The following SLCO4C1 variants were observed in gnomAD, a reference collection of about 807,000 sequenced individuals.
SLCO4C1 encodes the protein organic anion transporter M1.
SLCO4C1 carries 58 observed loss-of-function variants against 72.1 expected under a neutral mutation model. The ratio of observed to expected loss-of-function variants is 0.80; its 90% confidence interval spans 0.65 to 1.00. The LOEUF (loss-of-function observed/expected upper bound fraction) is 1.00. SLCO4C1 is among the 50% of genes least tolerant of loss of function. The probability of loss-of-function intolerance (pLI) is 0.00; values close to 1 mark genes in which losing one functional copy is unlikely to be tolerated. For missense variants in SLCO4C1, 898 were observed against 857.9 expected, an observed-to-expected ratio of 1.05 and a Z score of -0.58; for synonymous variants, 297 against 312.5, an observed-to-expected ratio of 0.95 and a Z score of 0.52.
At chr5:102,248,034 A>G (rs1748667303) in intron 9 of SLCO4C1, among the ~76,000 whole-genome samples, 1 of 151,542 alleles carries the variant, frequency 6.6e-6, no homozygotes, top group Non-Finnish European at 1.5e-5. Context: ...ATATTCAGCA[A>G]TCAGATATAT....
intron 8 of SLCO4C1, among the ~76,000 whole-genome samples, chr5:102,256,490 T>C (rs1445443775): frequency 6.6e-6 from 1 of 152,222 alleles, no homozygotes; most frequent in Non-Finnish European, 1.5e-5. Flanking sequence ...AATGCACTGC[T>C]GTGCAACACC....
At chr5:102,242,973 C>A (rs951361279) in intron 10 of SLCO4C1, among the ~76,000 whole-genome samples, 2 of 152,162 alleles carry the variant, frequency 1.3e-5, no homozygotes, top group African/African-American at 4.8e-5. Flanking sequence ...GAGCTCTCTG[C>A]CCTGAAGGGT....
At chr5:102,272,602 G>T (rs934759785) in intron 2 of SLCO4C1, among the ~76,000 whole-genome samples, 9 of 152,072 alleles carry the variant, frequency 5.9e-5, no homozygotes, top group African/African-American at 2.2e-4. Flanking sequence ...CTTAAAAAAG[G>T]AATGGAAACA....
In SLCO4C1 at chr5:102,274,558, C is replaced by A. The variant is rs149679656; in HGVS notation, c.620-3752G>T. 2.0e-5 allele frequency among the ~76,000 whole-genome samples: 3 copies of A among 152,220 alleles called. No homozygotes were observed. The East Asian group carries it at 5.8e-4, about 29-fold the overall frequency. ...CTTTTCCCCTGGGCCTATCCTGCTG[C>A]CAGGGGTAGGGCAGAATGGACTCTG... is the stretch of plus-strand genomic sequence containing the variant. On this transcript the variant is annotated intron_variant, in intron 2 of 12. Transcript: ENST00000310954.
At chr5:102,275,021 T>A (rs1015688893) in intron 2 of SLCO4C1, among the ~76,000 whole-genome samples, 3 of 152,030 alleles carry the variant, frequency 2.0e-5, no homozygotes, top group Non-Finnish European at 2.9e-5. Flanking sequence ...CATAATTTTA[T>A]TAAAATTAAG....
At position 102,236,679 on chromosome 5, in the gene SLCO4C1, A is replaced by G; in HGVS notation, c.*179T>C. The G allele has an allele frequency of 1.7e-6, 1 of 580,480 alleles. No homozygotes were observed. The highest frequency in any genetic ancestry group is 3.5e-5 in the East Asian group (1 of 28,702). 36.0% of individuals were successfully genotyped at this position (580,480 alleles called of 1,614,324 possible). ...GGCTTTACGTGGGCTTTGAAGGCACAGGTCTGTTTCTTGCATAAAACAAAA... is the reference window on the plus strand; with the variant it reads ...GGCTTTACGTGGGCTTTGAAGGCACGGGTCTGTTTCTTGCATAAAACAAAA... On this transcript the variant is annotated 3_prime_UTR_variant, in exon 13 of 13. Transcript: ENST00000310954.
intron 2 of SLCO4C1, among the ~76,000 whole-genome samples, chr5:102,276,945 G>C (rs1749257300): frequency 6.6e-6 from 1 of 152,000 alleles, no homozygotes; most frequent in South Asian, 2.1e-4. Flanking sequence ...AGCTATAGTA[G>C]TGAGAGGCAC....
At chr5:102,285,617 A>G (rs1047579094) in intron 2 of SLCO4C1, among the ~76,000 whole-genome samples, 4 of 152,198 alleles carry the variant, frequency 2.6e-5, no homozygotes, top group Non-Finnish European at 4.4e-5. Flanking sequence ...GAAGTATGAG[A>G]AAGACTGAAA....
At chr5:102,237,556 G>A (rs1748462628) in intron 12 of SLCO4C1, among the ~76,000 whole-genome samples, 1 of 152,078 alleles carries the variant, frequency 6.6e-6, no homozygotes, top group Non-Finnish European at 1.5e-5. Flanking sequence ...AGGTTGCAGT[G>A]AGCTGAGATC....
chr5:102,257,094 A>C, intron 8 of SLCO4C1, 21 bp downstream of exon 8: 1 of 1,466,202 alleles, frequency 6.8e-7, no homozygotes, highest in Non-Finnish European at 9.1e-7. Flanking sequence ...TTAATATCAA[A>C]AAGCACTGAA....
intron 5 of SLCO4C1, among the ~76,000 whole-genome samples, chr5:102,261,313 A>C (rs1435327235): frequency 2.6e-5 from 4 of 151,980 alleles, no homozygotes; most frequent in Non-Finnish European, 4.4e-5. Context: ...TCAGGAGGCT[A>C]AGTCAGGAGA....
At chr5:102,286,187 A>G (rs1442178389) in intron 2 of SLCO4C1, among the ~76,000 whole-genome samples, 2 of 152,166 alleles carry the variant, frequency 1.3e-5, no homozygotes, top group Non-Finnish European at 2.9e-5. Flanking sequence ...GTGAATTTTT[A>G]TCATTTAAGG....
At chr5:102,249,059 T>C (rs1343888914) in intron 9 of SLCO4C1, among the ~76,000 whole-genome samples, 1 of 152,216 alleles carries the variant, frequency 6.6e-6, no homozygotes, top group Admixed American at 6.5e-5. Context: ...TAAGTTTCTA[T>C]TATATAAACT....
At chr5:102,262,983 A>G (rs1335453484) in intron 4 of SLCO4C1, among the ~76,000 whole-genome samples, 1 of 152,148 alleles carries the variant, frequency 6.6e-6, no homozygotes, top group Non-Finnish European at 1.5e-5. Flanking sequence ...GAAAAAAAAT[A>G]TGACCTCAGT....
At chr5:102,250,717 G>A (rs1001918953) in intron 8 of SLCO4C1, among the ~76,000 whole-genome samples, 7 of 152,118 alleles carry the variant, frequency 4.6e-5, no homozygotes, top group Non-Finnish European at 8.8e-5. Context: ...AGGCTGGTGC[G>A]GTGGCTTACA....
chr5:102,239,385 G>A lies in SLCO4C1; in HGVS notation c.1880C>T (p.Thr627Ile). The change falls in exon 12 of 13, where the codon ACA (threonine) becomes ATA (isoleucine). Residue 627 changes from threonine (T) to isoleucine (I), a missense_variant. Coordinates refer to ENST00000310954, the MANE Select transcript of SLCO4C1 (RefSeq NM_180991.5). ...ACCAAATATAATTGGTCCAGGAATT[G>A]TCCCTAAAAGAATTATGGGTGAAAT... is the stretch of plus-strand genomic sequence containing the variant. ...IQFMVLRLLG[T>I]IPGPIIFGFT... 1 of 1,572,500 alleles carries A rather than the reference G, an allele frequency of 6.4e-7. No individual in the cohort carries two copies. Among genetic ancestry groups the A allele is most frequent in the Admixed American group, 1.9e-5 (1 of 53,220 alleles).
At chr5:102,262,172 G>T in intron 4 of SLCO4C1, 139 bp from the exon 5 acceptor site, 1 of 545,270 alleles carries the variant, frequency 1.8e-6, no homozygotes, top group Non-Finnish European at 2.9e-6. Flanking sequence ...TGGTGCCATT[G>T]CAAAGAATCA....
Position 102,260,329 on chromosome 5 carries a change from A to AT in SLCO4C1, c.1022-11_1022-10insA, listed in dbSNP as rs1748914111. On this transcript the variant is annotated splice_polypyrimidine_tract_variant and intron_variant, in intron 5 of 12. Transcript: ENST00000310954. ...TGAATTTCTGCTGTACCTAAAAAAA[A>AT]AATATATATATATATATAATATATA... 1.5e-4 allele frequency: 5 copies of AT among 32,724 alleles called. No individual in the cohort carries two copies. Among genetic ancestry groups the AT allele is most frequent in the South Asian group, 5.3e-4 (1 of 1,894 alleles). The allele number at this position is 32,724 out of a possible 1,614,324, so 2.0% of individuals were successfully genotyped here. A position where few individuals can be genotyped will look rare whatever the true frequency, so the allele number is the denominator to read the frequency against.
chr5:102,260,712 C>G (rs1748925324), intron 5 of SLCO4C1, among the ~76,000 whole-genome samples: 1 of 151,916 alleles, frequency 6.6e-6, no homozygotes, highest in African/African-American at 2.4e-5. Context: ...TCTTTTTGAT[C>G]TTTTACATTA....
Sources: allele counts gnomAD v4.1 joint callset (sites outside exome capture counted in the v4.1 genomes callset), GRCh38; gene constraint gnomAD v4.1.1; transcripts MANE v1.5; gene names NCBI Gene and HGNC (gene_info 2026-07-23, HGNC 2026-07-21).